ATXN1: variants seen among roughly 807,000 people sequenced by gnomAD.
ATXN1 encodes ataxin-1.
ATXN1 carries 8 observed loss-of-function variants against 56.4 expected under a neutral mutation model. The ratio of observed to expected loss-of-function variants is 0.14; its 90% CI spans 0.08 to 0.26. The LOEUF (loss-of-function observed/expected upper bound fraction) is 0.26, where lower values mean the gene tolerates loss of function less well. Among genes scored for constraint, ATXN1 ranks in the 10% least tolerant of loss-of-function variants. ATXN1 has a pLI of 1.00. For synonymous variants in ATXN1, 514 were observed against 494.6 expected, an observed-to-expected ratio of 1.04 and a Z score of -0.52; for missense variants, 987 against 1,106.5, an observed-to-expected ratio of 0.89 and a Z score of 1.53.
intron 6 of ATXN1, among the ~76,000 whole-genome samples, chr6:16,414,802 T>C (rs1758869536): frequency 6.6e-6 from 1 of 151,728 alleles, no homozygotes; most frequent in Non-Finnish European, 1.5e-5. Flanking sequence ...CCTTTGTCCT[T>C]CTTTCTACTC....
intron 6 of ATXN1, among the ~76,000 whole-genome samples, chr6:16,478,970 T>G (rs73724877): frequency 0.013 from 2,041 of 152,302 alleles, 12 homozygotes; most frequent in African/African-American, 0.027. Context: ...CACCTCCCAG[T>G]GCCAGGCACT....
At chr6:16,587,801 G>T (rs1195972062) in intron 3 of ATXN1, among the ~76,000 whole-genome samples, 1 of 151,874 alleles carries the variant, frequency 6.6e-6, no homozygotes, top group Non-Finnish European at 1.5e-5. Context: ...CATGGTGGTG[G>T]GCGCCTGTAA....
chr6:16,378,351 T>C lies in ATXN1; in HGVS notation c.-160-49881A>G, dbSNP rs75826989. ...TTTATAATATACATTATACCCTTAA[T>C]ATCCCCAGTAATTCTTTCAGATAGG... On this transcript the variant is annotated intron_variant, in intron 6 of 7. Coordinates refer to ENST00000436367, the MANE Select transcript of ATXN1 (RefSeq NM_001128164.2). Among the ~76,000 whole-genome samples, 628 of 152,314 alleles carry C rather than the reference T, an allele frequency of 4.1e-3. 9 individuals carry two copies. Among genetic ancestry groups the C allele is most frequent in the African/African-American group, 0.014 (594 of 41,562 alleles).
At chr6:16,657,716 G>A (rs916556430) in intron 3 of ATXN1, 60 bp downstream of exon 3, 6 of 152,240 alleles carry the variant, frequency 3.9e-5, no homozygotes, top group Admixed American at 6.5e-5. Context: ...TGGTACACCA[G>A]TGAAGTGATG....
At chr6:16,555,325 T>C (rs184859298) in intron 4 of ATXN1, among the ~76,000 whole-genome samples, 8 of 152,204 alleles carry the variant, frequency 5.3e-5, no homozygotes, top group Admixed American at 6.5e-5. Context: ...CATAAGTACA[T>C]ACAAAAGCCG....
Position 16,502,717 on chromosome 6 carries a change from A to T in ATXN1, c.-298-16608T>A, listed in dbSNP as rs1760907472. 2.6e-5 allele frequency among the ~76,000 whole-genome samples: 4 copies of T among 152,360 alleles called. No homozygotes were observed. In the South Asian group the frequency reaches 8.3e-4, roughly 32 times the overall value. Reference sequence around the variant, plus strand: ...AAATAGACAAGAAAACTCAGAAAAAATAATTATTACAGTCCAATCGCACAC... The same window carrying T: ...AAATAGACAAGAAAACTCAGAAAAATTAATTATTACAGTCCAATCGCACAC... On this transcript the variant is annotated intron_variant, in intron 5 of 7. Coordinates refer to ENST00000436367, the MANE Select transcript of ATXN1 (RefSeq NM_001128164.2).
At position 16,641,376 on chromosome 6, in the gene ATXN1, G is replaced by A. The variant is rs780590460; in HGVS notation, c.-489+16400C>T. On this transcript the variant is annotated intron_variant, in intron 3 of 7. Coordinates refer to ENST00000436367, the MANE Select transcript of ATXN1 (RefSeq NM_001128164.2). ...GGAGAGGCTGACTCTCTTGTTACGG[G>A]CAAATGCAGCTAGTGACTTTAGTTG... Among the ~76,000 whole-genome samples, 166 of 152,160 alleles carry A rather than the reference G, an allele frequency of 1.1e-3. 1 individual carries two copies. Among genetic ancestry groups the A allele is most frequent in the Non-Finnish European group, 1.9e-3 (130 of 68,034 alleles).
chr6:16,743,006 T>C (rs140048093), intron 2 of ATXN1, among the ~76,000 whole-genome samples: 84 of 152,320 alleles, frequency 5.5e-4, no homozygotes, highest in African/African-American at 1.9e-3. Context: ...TAAAGGAGAC[T>C]GATCAAAGTC....
chr6:16,459,411 G>A (rs535181311), intron 6 of ATXN1, among the ~76,000 whole-genome samples: 2 of 152,154 alleles, frequency 1.3e-5, no homozygotes, highest in South Asian at 2.1e-4. Flanking sequence ...TTAAAAGTTC[G>A]AGGCTTAGTA....
In ATXN1 at chr6:16,392,416, C is replaced by T. The variant is rs79017917; in HGVS notation, c.-160-63946G>A. Among the ~76,000 whole-genome samples, 591 of 152,260 alleles carry T rather than the reference C, an allele frequency of 3.9e-3. 3 individuals carry two copies. Among genetic ancestry groups the T allele is most frequent in the African/African-American group, 0.014 (564 of 41,540 alleles). On this transcript the variant is annotated intron_variant, in intron 6 of 7. Coordinates refer to ENST00000436367, the MANE Select transcript of ATXN1 (RefSeq NM_001128164.2). The stretch of plus-strand genomic sequence containing the variant: ...TAAAGTGGCCTGATTTTCTCCCCTC[C>T]TGTTAGGATCCTGGATGCTTGTAAT...
intron 4 of ATXN1, among the ~76,000 whole-genome samples, chr6:16,566,980 G>A (rs940098366): frequency 4.6e-5 from 7 of 152,184 alleles, no homozygotes; most frequent in African/African-American, 1.2e-4. Flanking sequence ...GGCATTCAAT[G>A]CTCAGTAACA....
rs571821312 is a variant in ATXN1, at chr6:16,509,336, A to G, written c.-299+13291T>C. 1.8e-3 allele frequency among the ~76,000 whole-genome samples: 268 copies of G among 152,148 alleles called. 1 individual carries two copies. Among genetic ancestry groups the G allele is most frequent in the Non-Finnish European group, 2.9e-3 (196 of 68,030 alleles). ...CCCTGTTTTTCTTGCCATCCTTTTA[A>G]TGTCACAGTAAAAAGTGTCATGAAA... On this transcript the variant is annotated intron_variant, in intron 5 of 7. Coordinates refer to ENST00000436367, the MANE Select transcript of ATXN1 (RefSeq NM_001128164.2).
At chr6:16,340,906 G>A (rs1056277887) in intron 6 of ATXN1, among the ~76,000 whole-genome samples, 3 of 152,168 alleles carry the variant, frequency 2.0e-5, no homozygotes, top group Non-Finnish European at 4.4e-5. Flanking sequence ...CAGGGCCAAA[G>A]GCTCAGAGAA....
intron 4 of ATXN1, among the ~76,000 whole-genome samples, chr6:16,562,161 C>T (rs192307093): frequency 0.011 from 1,650 of 151,992 alleles, 19 homozygotes; most frequent in Non-Finnish European, 0.018. Context: ...ATTGCTTGAG[C>T]TCAGAGTTGG....
chr6:16,697,742 T>G (rs2113430332), intron 2 of ATXN1, among the ~76,000 whole-genome samples: 1 of 152,270 alleles, frequency 6.6e-6, no homozygotes. Flanking sequence ...ATTTCTTCCT[T>G]CTGAGTATTT....
At chr6:16,317,891 G>C (rs1181974153) in intron 7 of ATXN1, among the ~76,000 whole-genome samples, 3 of 152,112 alleles carry the variant, frequency 2.0e-5, no homozygotes, top group Non-Finnish European at 4.4e-5. Context: ...AACCTAGACA[G>C]GGAGACAACA....
chr6:16,310,202 T>G (rs1259207394), intron 7 of ATXN1, among the ~76,000 whole-genome samples: 1 of 152,168 alleles, frequency 6.6e-6, no homozygotes, highest in Non-Finnish European at 1.5e-5. Flanking sequence ...TTTACAGTGC[T>G]AAAGAAAAAG....
intron 6 of ATXN1, among the ~76,000 whole-genome samples, chr6:16,368,190 G>T (rs913952125): frequency 1.3e-5 from 2 of 151,306 alleles, no homozygotes; most frequent in African/African-American, 4.9e-5. Context: ...AGAAAGAAAA[G>T]AAAAGAAATA....
At chr6:16,567,501 C>G (rs1375124524) in intron 4 of ATXN1, among the ~76,000 whole-genome samples, 1 of 152,122 alleles carries the variant, frequency 6.6e-6, no homozygotes, top group Non-Finnish European at 1.5e-5. Context: ...GAGGGGGGAA[C>G]AAAGTATTCT....
Sources: gnomAD v4.1 joint callset for allele counts (sites outside exome capture counted in the v4.1 genomes callset) on GRCh38, gnomAD v4.1.1 for gene constraint, MANE v1.5 for transcripts, NCBI Gene and HGNC (gene_info 2026-07-23, HGNC 2026-07-21) for gene names.